The following HHIP variants were observed in gnomAD, a reference collection of about 807,000 sequenced individuals.
HHIP encodes the protein hedgehog-interacting protein.
In HHIP, 12 loss-of-function variants were observed where a neutral mutation model predicts 74.0. The ratio of observed to expected loss-of-function variants is 0.16; its 90% confidence interval spans 0.10 to 0.26. HHIP has a LOEUF of 0.26. Among genes scored for constraint, HHIP ranks in the 10% least tolerant of loss-of-function variants. The probability of loss-of-function intolerance (pLI) is 1.00; values close to 1 mark genes in which losing one functional copy is unlikely to be tolerated. For synonymous variants in HHIP, 309 were observed against 311.6 expected, an observed-to-expected ratio of 0.99 and a Z score of 0.09; for missense variants, 788 against 845.0, an observed-to-expected ratio of 0.93 and a Z score of 0.84.
intron 4 of HHIP, among the ~76,000 whole-genome samples, chr4:144,683,752 C>T (rs1729406727): frequency 6.6e-6 from 1 of 152,144 alleles, no homozygotes; most frequent in South Asian, 2.1e-4. Flanking sequence ...TACTTTTGTG[C>T]TACAACAGCG....
chr4:144,704,080 C>T (rs762180045), intron 4 of HHIP, among the ~76,000 whole-genome samples: 2 of 152,096 alleles, frequency 1.3e-5, no homozygotes, highest in Non-Finnish European at 2.9e-5. Context: ...TCTATCTGTC[C>T]TTTCTAATTT....
chr4:144,729,205 A>G (rs545149629), intron 11 of HHIP, among the ~76,000 whole-genome samples: 1 of 152,314 alleles, frequency 6.6e-6, no homozygotes, highest in African/African-American at 2.4e-5. Flanking sequence ...GAAATTTTTC[A>G]CTTCCTTACC....
At chr4:144,692,615 C>T (rs1578703247) in intron 4 of HHIP, among the ~76,000 whole-genome samples, 1 of 152,142 alleles carries the variant, frequency 6.6e-6, no homozygotes, top group African/African-American at 2.4e-5. Flanking sequence ...CCGTAACACC[C>T]TATTCTTGTC....
intron 2 of HHIP, among the ~76,000 whole-genome samples, chr4:144,655,570 G>T (rs1728537936): frequency 6.6e-6 from 1 of 152,042 alleles, no homozygotes; most frequent in Admixed American, 6.6e-5. Context: ...CAAGGTCAAG[G>T]GTTTGATTCA....
chr4:144,711,051 C>CTCG (rs1730282791), intron 7 of HHIP, among the ~76,000 whole-genome samples: 1 of 152,156 alleles, frequency 6.6e-6, no homozygotes, highest in South Asian at 2.1e-4. Flanking sequence ...GCAAGTCCTC[C>CTCG]CCTTATGGAG....
rs138100726 is a variant in HHIP, at chr4:144,720,909, G to T, written c.1760+1953G>T. 3.5e-3 allele frequency among the ~76,000 whole-genome samples: 526 copies of T among 152,214 alleles called. 3 individuals carry two copies. The highest frequency in any genetic ancestry group is 0.012 in the African/African-American group (487 of 41,526). ...AGTTGACACTTAAGTATGTGAACAG[G>T]ATTATTTTGGAAACAAACTAATTAC... On this transcript the variant is annotated intron_variant, in intron 11 of 12. Transcript: ENST00000296575.
At chr4:144,680,594 G>A (rs1200589338) in intron 4 of HHIP, among the ~76,000 whole-genome samples, 1 of 151,652 alleles carries the variant, frequency 6.6e-6, no homozygotes, top group African/African-American at 2.4e-5. Context: ...TTGTAGATCT[G>A]CAAAAATAAT....
chr4:144,726,000 C>T (rs1383012265), intron 11 of HHIP, among the ~76,000 whole-genome samples: 4 of 151,956 alleles, frequency 2.6e-5, no homozygotes, highest in Non-Finnish European at 5.9e-5. Flanking sequence ...TATTAGTTGT[C>T]ATTCCCCTGG....
intron 9 of HHIP, 68 bp downstream of exon 9, chr4:144,714,416 G>T: frequency 6.1e-6 from 9 of 1,469,718 alleles, no homozygotes; most frequent in Admixed American, 1.7e-5. Context: ...TTGGCAAACT[G>T]CCACAAAATA....
At position 144,714,148 on chromosome 4, in the gene HHIP, T is replaced by C. The variant is rs1730379007; in HGVS notation, c.1424-77T>C. 6.4e-6 allele frequency: 8 copies of C among 1,249,160 alleles called. No homozygotes were observed. The East Asian group carries it at 1.9e-4, about 29-fold the overall frequency. 77.4% of individuals were successfully genotyped at this position (1,249,160 alleles called of 1,614,324 possible). ...ACATTTCAGAGTTAAATTACTATAG[T>C]AATTGTTGTTTGGTGTACATTCCTT... On this transcript the variant is annotated intron_variant, in intron 8 of 12. Coordinates refer to ENST00000296575, the MANE Select transcript of HHIP (RefSeq NM_022475.3).
At chr4:144,679,298 T>C (rs975325878) in intron 4 of HHIP, among the ~76,000 whole-genome samples, 4 of 152,212 alleles carry the variant, frequency 2.6e-5, no homozygotes, top group Non-Finnish European at 5.9e-5. Context: ...GATTTATAGA[T>C]TGCAGAAATT....
chr4:144,647,086 A>G (rs1728286512), intron 1 of HHIP, 132 bp downstream of exon 1: 5 of 722,032 alleles, frequency 6.9e-6, no homozygotes, highest in Non-Finnish European at 1.1e-5. Flanking sequence ...TAACTTTTCT[A>G]TAGCGCTAAC....
chr4:144,731,054 T>G (rs1730941693), intron 11 of HHIP, among the ~76,000 whole-genome samples: 1 of 152,146 alleles, frequency 6.6e-6, no homozygotes, highest in African/African-American at 2.4e-5. Flanking sequence ...TAACTGTACC[T>G]TGGAAAAAAA....
In HHIP at chr4:144,708,196, G is replaced by C; in HGVS notation, c.1186G>C (p.Asp396His). ...TTTCACAGGCTCAGTGCTACGGCTGGATGTGGACACAGACATGTGCAACGT... is the reference window on the plus strand; with the variant it reads ...TTTCACAGGCTCAGTGCTACGGCTGCATGTGGACACAGACATGTGCAACGT... ...SDFTGSVLRL[D>H]VDTDMCNVPY... Residue 396 changes from aspartate (D) to histidine (H), a missense_variant, in exon 7 of 13, where the codon GAT becomes CAT. Around this residue, in one of 3 missense-constraint regions of HHIP, gnomAD observed 72 missense variants for 130.6 expected, o/e 0.55. Coordinates refer to ENST00000296575, the MANE Select transcript of HHIP (RefSeq NM_022475.3). The C allele has an allele frequency of 6.2e-7, 1 of 1,614,096 alleles. No individual in the cohort carries two copies. The highest frequency in any genetic ancestry group is 8.5e-7 in the Non-Finnish European group (1 of 1,179,982).
In HHIP at chr4:144,712,699, A is replaced by C. The variant is rs910120331; in HGVS notation, c.1423+628A>C. ...AACACTTAGTATTTTTTAATATTTT[A>C]GTATTTATTCCTTTTGAAGGAAGCA... On this transcript the variant is annotated intron_variant, in intron 8 of 12. Coordinates refer to ENST00000296575, the MANE Select transcript of HHIP (RefSeq NM_022475.3). 3.3e-5 allele frequency among the ~76,000 whole-genome samples: 5 copies of C among 152,184 alleles called. No individual in the cohort carries two copies. In the East Asian group the frequency reaches 9.6e-4, roughly 29 times the overall value.
chr4:144,711,859 A>T (rs1730314448), intron 7 of HHIP, 91 bp from the exon 8 acceptor site: 1 of 1,327,314 alleles, frequency 7.5e-7, no homozygotes, highest in Admixed American at 1.9e-5. Flanking sequence ...TTGCCAGTCC[A>T]CAAAGGGCTC....
Position 144,652,499 on chromosome 4 carries a change from T to C in HHIP, c.280-106T>C, listed in dbSNP as rs1728450102. On this transcript the variant is annotated intron_variant, in intron 1 of 12. Transcript: ENST00000296575. Reference sequence around the variant, plus strand: ...AGTAATTCTTTTCAAAAAACTTCATTGGCTAAATTAGACTTTTCTACTTAC... The same window carrying C: ...AGTAATTCTTTTCAAAAAACTTCATCGGCTAAATTAGACTTTTCTACTTAC... 2.6e-5 allele frequency: 18 copies of C among 690,074 alleles called. No homozygotes were observed. In the East Asian group the frequency reaches 4.3e-4, roughly 16 times the overall value. 42.7% of individuals were successfully genotyped at this position (690,074 alleles called of 1,614,324 possible).
At chr4:144,691,772 CCA>C (rs1344594743) in intron 4 of HHIP, among the ~76,000 whole-genome samples, 15 of 151,956 alleles carry the variant, frequency 9.9e-5, no homozygotes, top group Non-Finnish European at 1.5e-5. Context: ...AGTCTAAGTA[CCA>C]TCAGCAATGC....
In HHIP at chr4:144,646,422, A is replaced by G; in HGVS notation, c.-254A>G. On this transcript the variant is annotated 5_prime_UTR_variant, in exon 1 of 13. Transcript: ENST00000296575. ...CCCCAACCCAACTGACACTGGCACAACTGCAAACGGTGTCATCCGCACAAC... is the reference window on the plus strand; with the variant it reads ...CCCCAACCCAACTGACACTGGCACAGCTGCAAACGGTGTCATCCGCACAAC... 2.4e-6 allele frequency: 1 copy of G among 423,044 alleles called. No individual in the cohort carries two copies. Among genetic ancestry groups the G allele is most frequent in the South Asian group, 5.2e-5 (1 of 19,192 alleles). 26.2% of individuals were successfully genotyped at this position (423,044 alleles called of 1,614,324 possible).
Sources: gnomAD v4.1 joint callset for allele counts (sites outside exome capture counted in the v4.1 genomes callset) on GRCh38, gnomAD v4.1.1 for gene constraint, gnomAD v4.1.1 regional missense constraint, MANE v1.5 for transcripts, NCBI Gene and HGNC (gene_info 2026-07-23, HGNC 2026-07-21) for gene names.